Variants in AGBL4 observed in about 807,000 individuals in gnomAD.
AGBL4 encodes the protein cytosolic carboxypeptidase 6.
A neutral mutation model predicts 66.4 loss-of-function variants in AGBL4; 58 were observed. That is an observed-to-expected ratio of 0.87 (90% CI 0.71 to 1.09). AGBL4 has a LOEUF of 1.09. Among genes scored for constraint, AGBL4 ranks in the 50% least tolerant of loss-of-function variants. The pLI, the probability that AGBL4 is intolerant of heterozygous loss-of-function variation, is 0.00. For synonymous variants in AGBL4, 234 were observed against 222.9 expected (o/e 1.05, Z -0.44); for missense variants, 579 against 631.0 (o/e 0.92, Z 0.88).
At position 49,348,070 on chromosome 1, in the gene AGBL4, A is replaced by T. The variant is rs74371700; in HGVS notation, c.283-102206T>A. On this transcript the variant is annotated intron_variant, in intron 3 of 13. Transcript: ENST00000371839. The stretch of plus-strand genomic sequence containing the variant: ...TTTAGTTAGAGATCTTGAGGTTGGG[A>T]CATTATTCTGGACTATTTGAGTGGG... 4.6e-5 allele frequency among the ~76,000 whole-genome samples: 7 copies of T among 152,186 alleles called. No individual in the cohort carries two copies. The South Asian group carries it at 1.5e-3, about 32-fold the overall frequency.
At chr1:49,265,418 T>C (rs1300181325) in intron 3 of AGBL4, among the ~76,000 whole-genome samples, 1 of 152,202 alleles carries the variant, frequency 6.6e-6, no homozygotes, top group East Asian at 1.9e-4. Context: ...ATAGATAATA[T>C]GGTATGGGGC....
At chr1:49,477,278 G>C (rs1646865294) in intron 3 of AGBL4, among the ~76,000 whole-genome samples, 1 of 152,034 alleles carries the variant, frequency 6.6e-6, no homozygotes, top group Non-Finnish European at 1.5e-5. Flanking sequence ...GTGCTATGCT[G>C]GCTTCAGGTT....
rs17105597 is a variant in AGBL4 at position 49,296,356 on chromosome 1, T to C, written c.283-50492A>G. On this transcript the variant is annotated intron_variant, in intron 3 of 13. Transcript: ENST00000371839. Reference sequence around the variant, plus strand: ...ACTTGAAAGCCAGTGATAGTTCTGATAACTCAAATTGTGCAGTTGAGCTCA... The same window carrying C: ...ACTTGAAAGCCAGTGATAGTTCTGACAACTCAAATTGTGCAGTTGAGCTCA... 3.1e-3 allele frequency among the ~76,000 whole-genome samples: 465 copies of C among 152,324 alleles called. 26 individuals carry two copies. In the East Asian group the frequency reaches 0.076, roughly 25 times the overall value.
intron 4 of AGBL4, among the ~76,000 whole-genome samples, chr1:49,120,986 C>T (rs1204065972): frequency 1.3e-5 from 2 of 152,164 alleles, no homozygotes; most frequent in Admixed American, 1.3e-4. Context: ...CTTTCTTCCA[C>T]TTGATCGAAT....
chr1:49,041,856 A>T (rs755486423), intron 5 of AGBL4, among the ~76,000 whole-genome samples: 2 of 151,946 alleles, frequency 1.3e-5, no homozygotes, highest in Non-Finnish European at 2.9e-5. Context: ...ATCACACCAG[A>T]CTTCTAACCA....
At chr1:49,468,461 A>C (rs1460883072) in intron 3 of AGBL4, among the ~76,000 whole-genome samples, 1 of 151,718 alleles carries the variant, frequency 6.6e-6, no homozygotes, top group Non-Finnish European at 1.5e-5. Flanking sequence ...CCAAAATACA[A>C]ATCCCTAAAT....
chr1:48,780,197 C>G (rs1246346189), intron 6 of AGBL4, among the ~76,000 whole-genome samples: 13 of 144,622 alleles, frequency 9.0e-5, no homozygotes, highest in Admixed American at 2.1e-4. Context: ...CCCCCCACCC[C>G]CCTACAGGCC....
At chr1:49,956,552 T>C (rs1158769821) in intron 1 of AGBL4, among the ~76,000 whole-genome samples, 1 of 151,954 alleles carries the variant, frequency 6.6e-6, no homozygotes, top group African/African-American at 2.4e-5. Flanking sequence ...AAAGGCAACT[T>C]AGTATGCTAG....
At chr1:49,844,876 G>A in intron 2 of AGBL4, 1 of 1,447,986 alleles carries the variant, frequency 6.9e-7, no homozygotes, top group Admixed American at 1.7e-5. Context: ...AGTGCTGGCA[G>A]CCTTGATGCC....
intron 4 of AGBL4, among the ~76,000 whole-genome samples, chr1:49,146,516 A>G (rs1646221234): frequency 6.6e-6 from 1 of 152,226 alleles, no homozygotes. Flanking sequence ...TGAATGAGTG[A>G]GGAAATGAAT....
chr1:48,976,321 A>C (rs1294806726), intron 5 of AGBL4, among the ~76,000 whole-genome samples: 1 of 152,090 alleles, frequency 6.6e-6, no homozygotes, highest in Non-Finnish European at 1.5e-5. Flanking sequence ...CAAGCTACAC[A>C]ACTTGGACTT....
intron 11 of AGBL4, among the ~76,000 whole-genome samples, chr1:48,574,737 AC>A (rs1185753990): frequency 6.6e-6 from 1 of 151,712 alleles, no homozygotes; most frequent in Non-Finnish European, 1.5e-5. Context: ...CACGGCCACA[AC>A]CCCAGCTAAA....
intron 2 of AGBL4, among the ~76,000 whole-genome samples, chr1:49,825,647 G>C (rs1645489573): frequency 6.6e-6 from 1 of 152,036 alleles, no homozygotes; most frequent in Non-Finnish European, 1.5e-5. Flanking sequence ...CCATAATGTG[G>C]GTAGACCTCA....
rs975298328 is a variant in AGBL4, at chr1:48,590,685, G to A, written c.1104+148C>T. The A allele has an allele frequency of 5.5e-6, 5 of 901,514 alleles. No individual in the cohort carries two copies. In the African/African-American group the frequency reaches 8.4e-5, roughly 15 times the overall value. The allele number at this position is 901,514 out of a possible 1,614,324, so 55.8% of individuals were successfully genotyped here. A position where few individuals can be genotyped will look rare whatever the true frequency, so the allele number is the denominator to read the frequency against. On this transcript the variant is annotated intron_variant, in intron 10 of 13. Coordinates refer to ENST00000371839, the MANE Select transcript of AGBL4 (RefSeq NM_032785.4). ...CAGCTTGAGGACATGGGCACATCTT[G>A]TTTACCTCTATCTTCATCACCCACA... is the stretch of plus-strand genomic sequence containing the variant.
chr1:49,275,724 T>G (rs1056863861), intron 3 of AGBL4, among the ~76,000 whole-genome samples: 2 of 152,208 alleles, frequency 1.3e-5, no homozygotes, highest in East Asian at 3.8e-4. Flanking sequence ...CACTGTATCC[T>G]AAATTCTTTC....
chr1:49,993,088 A>G (rs1660086752), intron 1 of AGBL4, among the ~76,000 whole-genome samples: 1 of 152,244 alleles, frequency 6.6e-6, no homozygotes, highest in Non-Finnish European at 1.5e-5. Context: ...GAAATGTTAT[A>G]GAATTCCTTG....
rs540781974 is a variant in AGBL4, at chr1:48,990,871, C to T, written c.594+54713G>A. Among the ~76,000 whole-genome samples the T allele has an allele frequency of 2.6e-5, 4 of 152,214 alleles. No homozygotes were observed. In the South Asian group the frequency reaches 8.3e-4, roughly 32 times the overall value. On this transcript the variant is annotated intron_variant, in intron 5 of 13. Coordinates refer to ENST00000371839, the MANE Select transcript of AGBL4 (RefSeq NM_032785.4). The stretch of plus-strand genomic sequence containing the variant: ...AGCAAAGGGACAACTAATGAAAATT[C>T]TACACTTTAACTTCATCTCCCACTT...
intron 11 of AGBL4, among the ~76,000 whole-genome samples, chr1:48,552,815 T>C (rs768843780): frequency 6.6e-6 from 1 of 151,688 alleles, no homozygotes; most frequent in Non-Finnish European, 1.5e-5. Flanking sequence ...TAGAAAAAAG[T>C]AATCCCTGAA....
chr1:49,900,513 G>T (rs549719856), intron 1 of AGBL4, among the ~76,000 whole-genome samples: 2 of 152,276 alleles, frequency 1.3e-5, no homozygotes, highest in South Asian at 4.1e-4. Flanking sequence ...CCAAAGTGCT[G>T]GGATTACAGG....
Sources: allele counts gnomAD v4.1 joint callset (sites outside exome capture counted in the v4.1 genomes callset), GRCh38; gene constraint gnomAD v4.1.1; transcripts MANE v1.5; gene names NCBI Gene and HGNC (gene_info 2026-07-23, HGNC 2026-07-21).